ACSL6: variants seen among roughly 807,000 people sequenced by gnomAD.
ACSL6 encodes acyl-CoA synthetase long chain family member 6.
Under a neutral mutation model 98.2 loss-of-function variants are expected in ACSL6, and 47 were observed. That is an observed-to-expected ratio of 0.48 (90% CI 0.38 to 0.61). The LOEUF is 0.61. ACSL6 is among the 20% of genes least tolerant of loss of function. The probability of loss-of-function intolerance (pLI) is 0.00; values close to 1 mark genes in which losing one functional copy is unlikely to be tolerated. For missense variants in ACSL6, 761 were observed against 913.4 expected (o/e 0.83, Z 2.15); for synonymous variants, 362 against 336.9 (o/e 1.07, Z -0.82).
chr5:131,993,967 A>C, intron 2 of ACSL6, 64 bp downstream of exon 2: 6 of 1,540,830 alleles, frequency 3.9e-6, no homozygotes, highest in Non-Finnish European at 5.3e-6. Flanking sequence ...TCTGGCTTCT[A>C]CTTCCAAGAT....
At chr5:131,965,571 A>G (rs531610654) in intron 17 of ACSL6, among the ~76,000 whole-genome samples, 3 of 152,078 alleles carry the variant, frequency 2.0e-5, no homozygotes. Flanking sequence ...AATACAAAAA[A>G]GTTAGCCAGA....
At chr5:131,967,807 T>A in intron 16 of ACSL6, 133 bp downstream of exon 16, 1 of 725,960 alleles carries the variant, frequency 1.4e-6, no homozygotes, top group Non-Finnish European at 2.3e-6. Flanking sequence ...TGAGTTGAGC[T>A]GAGTCAAATT....
chr5:131,962,529 C>G lies in ACSL6; in HGVS notation c.1857+6G>C. 8.1e-6 allele frequency: 13 copies of G among 1,611,340 alleles called. No homozygotes were observed. The highest frequency in any genetic ancestry group is 1.1e-5 in the Non-Finnish European group (13 of 1,178,136). On this transcript the variant is annotated splice_donor_region_variant and intron_variant, in intron 18 of 20. Coordinates refer to ENST00000651883, the MANE Select transcript of ACSL6 (RefSeq NM_001009185.3). ...ATGTGGGAGGGCTGAAGCCTAGAGG[C>G]CTCACCTTTAAGCTGTCCCCATGGA... is the stretch of plus-strand genomic sequence containing the variant.
Position 131,951,816 on chromosome 5 carries a change from T to A in ACSL6, c.*2418A>T, listed in dbSNP as rs930624070. ...GTTAGCCAGGATGGTCTCGATCTCCTGACTTCGTGATCTGCCCGCCTCGGC... is the reference window on the plus strand; with the variant it reads ...GTTAGCCAGGATGGTCTCGATCTCCAGACTTCGTGATCTGCCCGCCTCGGC... On this transcript the variant is annotated 3_prime_UTR_variant, in exon 21 of 21. Transcript: ENST00000651883. 37 of 162,184 alleles carry A rather than the reference T, an allele frequency of 2.3e-4. No homozygotes were observed. Among genetic ancestry groups the A allele is most frequent in the Admixed American group, 4.5e-4 (7 of 15,502 alleles). The allele number at this position is 162,184 out of a possible 1,614,324, so 10.0% of individuals were successfully genotyped here.
chr5:131,990,790 C>G (rs974445924), intron 3 of ACSL6, 63 bp downstream of exon 3: 5 of 1,501,110 alleles, frequency 3.3e-6, no homozygotes, highest in Middle Eastern at 3.5e-4. Flanking sequence ...GCATACCCAC[C>G]CTTGCACCCA....
chr5:131,968,040 G>A lies in ACSL6; in HGVS notation c.1508-12C>T. 1.9e-6 allele frequency: 3 copies of A among 1,611,484 alleles called. No homozygotes were observed. Among genetic ancestry groups the A allele is most frequent in the Non-Finnish European group, 2.5e-6 (3 of 1,178,024 alleles). ...CGCCCCTACGTGCCCTGGAACACCG[G>A]AGCAAGATGGCATTTGTTAGTGTTC... is the stretch of plus-strand genomic sequence containing the variant. On this transcript the variant is annotated splice_polypyrimidine_tract_variant and intron_variant, in intron 15 of 20. Transcript: ENST00000651883.
chr5:131,964,583 G>A (rs1422852894), intron 17 of ACSL6, among the ~76,000 whole-genome samples: 1 of 152,164 alleles, frequency 6.6e-6, no homozygotes, highest in East Asian at 1.9e-4. Flanking sequence ...GCAGATCCAG[G>A]GATTTGTGAG....
intron 20 of ACSL6, 92 bp from the exon 21 acceptor site, chr5:131,954,463 G>A: frequency 7.9e-7 from 1 of 1,268,634 alleles, no homozygotes; most frequent in Non-Finnish European, 1.1e-6. Flanking sequence ...CATGAGAGTA[G>A]ATATATTGAC....
intron 5 of ACSL6, 116 bp downstream of exon 5, chr5:131,989,290 AG>A (rs1754374405): frequency 1.0e-6 from 1 of 1,004,830 alleles, no homozygotes. Context: ...GCATAGCCCA[AG>A]GGTCTCTGTT....
At position 131,954,315 on chromosome 5, in the gene ACSL6, T is replaced by G. The variant is rs1260199184; in HGVS notation, c.2088A>C (p.Thr696=). 1 of 1,613,928 alleles carries G rather than the reference T, an allele frequency of 6.2e-7. No homozygotes were observed. The highest frequency in any genetic ancestry group is 8.5e-7 in the Non-Finnish European group (1 of 1,179,986). The change falls in exon 21 of 21, where the codon ACA becomes ACC. Residue 696 remains threonine, a synonymous_variant. Coordinates refer to ENST00000651883, the MANE Select transcript of ACSL6 (RefSeq NM_001009185.3). The part of the protein sequence containing the change: ...DMFSVQNGLL[T]PTLKAKRPEL... Reference sequence around the variant, plus strand: ...CAGGTCTCTTAGCTTTTAGTGTTGGTGTCAGCAAGCCATTTTGAACTGAGA... The same window carrying G: ...CAGGTCTCTTAGCTTTTAGTGTTGGGGTCAGCAAGCCATTTTGAACTGAGA...
chr5:131,956,262 AAAG>A (rs1752398817), intron 20 of ACSL6, among the ~76,000 whole-genome samples: 1 of 152,212 alleles, frequency 6.6e-6, no homozygotes, highest in Non-Finnish European at 1.5e-5. Context: ...TAGAAATGTA[AAAG>A]AAAACATTAT....
chr5:131,993,985 C>T (rs1295558381), intron 2 of ACSL6, 46 bp downstream of exon 2: 1 of 1,590,790 alleles, frequency 6.3e-7, no homozygotes. Context: ...GATGCCTGTC[C>T]TCTGCCCCCT....
chr5:131,958,977 T>C (rs1391451103), intron 20 of ACSL6, among the ~76,000 whole-genome samples: 2 of 152,118 alleles, frequency 1.3e-5, no homozygotes, highest in East Asian at 3.8e-4. Flanking sequence ...ATGGTATATG[T>C]AAGTCAGAGT....
chr5:132,006,475 TC>T (rs1277313213), intron 1 of ACSL6: 1 of 152,246 alleles, frequency 6.6e-6, no homozygotes, highest in African/African-American at 2.4e-5. Flanking sequence ...CAGCATCTCA[TC>T]CACAGCACTC....
At chr5:132,011,805 C>G, upstream of ACSL6, 1 of 1,429,426 alleles carries the variant, frequency 7.0e-7, no homozygotes, top group South Asian at 1.5e-5. This position sits in a 1 kb window ranked among gnomAD's most constrained non-coding sequence, Gnocchi z 5.4. Flanking sequence ...GGGTCTGGGG[C>G]TTGCCCCGCA....
chr5:132,009,473 G>C (rs934740408), intron 1 of ACSL6, among the ~76,000 whole-genome samples: 1 of 152,206 alleles, frequency 6.6e-6, no homozygotes, highest in South Asian at 2.1e-4. Flanking sequence ...CCAGAGAAAG[G>C]CTGGGGGCCA....
upstream of ACSL6, chr5:132,012,080 C>A: frequency 2.0e-6 from 2 of 1,011,102 alleles, no homozygotes; most frequent in South Asian, 1.8e-5. Context: ...GCAGCCGGGT[C>A]GCGGTTACCT....
In ACSL6 at chr5:131,974,941, C is replaced by A; in HGVS notation, c.1020G>T (p.Val340=). 1 of 1,614,094 alleles carries A rather than the reference C, an allele frequency of 6.2e-7. No homozygotes were observed. The highest frequency in any genetic ancestry group is 1.1e-5 in the South Asian group (1 of 91,054). ...EKVIFPRQDD[V]LISFLPLAHM... ...GAGCCAGAGGCAGGAAGGAGATGAG[C>A]ACATCGTCCTGTCTCGGAAAGATCA... The change falls in exon 11 of 21, where the codon GTG becomes GTT. Residue 340 remains valine, a synonymous_variant. Coordinates refer to ENST00000651883, the MANE Select transcript of ACSL6 (RefSeq NM_001009185.3).
At chr5:131,959,731 C>T (rs943646012) in intron 19 of ACSL6, 124 bp from the exon 20 acceptor site, 18 of 851,868 alleles carry the variant, frequency 2.1e-5, no homozygotes, top group South Asian at 9.2e-5. Flanking sequence ...ACCCACAGCC[C>T]GCAACTGAGG....
Sources: allele counts gnomAD v4.1 joint callset (sites outside exome capture counted in the v4.1 genomes callset), GRCh38; gene constraint gnomAD v4.1.1; non-coding constraint Gnocchi (gnomAD v3.1); transcripts MANE v1.5; gene names NCBI Gene and HGNC (gene_info 2026-07-23, HGNC 2026-07-21).